SAGE1: variants seen among roughly 807,000 people sequenced by gnomAD.
The protein encoded by SAGE1 is cancer/testis antigen 14.
A neutral mutation model predicts 55.4 loss-of-function variants in SAGE1; 55 were observed. The observed-to-expected ratio is 0.99, with a 90% confidence interval of 0.80 to 1.24. SAGE1 has a LOEUF of 1.24. SAGE1 is among the 50% of genes most tolerant of loss of function. SAGE1 has a pLI of 0.00. For synonymous variants in SAGE1, 240 were observed against 244.3 expected (o/e 0.98, Z 0.17); for missense variants, 710 against 704.4 (o/e 1.01, Z -0.09).
intron 1 of SAGE1, among the ~76,000 whole-genome samples, chrX:135,895,730 A>G (rs1227749183): frequency 8.9e-6 from 1 of 112,136 alleles, no homozygotes; most frequent in Non-Finnish European, 1.9e-5. Context: ...ACTTTGGACT[A>G]TGTGGTTATA....
chrX:135,905,423 C>T (rs782614404), intron 5 of SAGE1, 31 bp downstream of exon 5: 1 of 1,143,297 alleles, frequency 8.7e-7, no homozygotes, highest in South Asian at 2.1e-5. Context: ...TACTGTCATA[C>T]TTGTTTTCCA....
intron 16 of SAGE1, 52 bp downstream of exon 16, chrX:135,910,607 T>C (rs2088881211): frequency 9.1e-7 from 1 of 1,093,384 alleles, no homozygotes; most frequent in African/African-American, 1.8e-5. Flanking sequence ...TAAGCAGGCA[T>C]ATTTTCATGA....
chrX:135,905,382 C>T lies in SAGE1; in HGVS notation c.444C>T (p.Thr148=). 1 of 1,204,967 alleles carries T rather than the reference C, an allele frequency of 8.3e-7. No individual in the cohort carries two copies. Among genetic ancestry groups the T allele is most frequent in the South Asian group, 1.8e-5 (1 of 56,008 alleles). The change falls in exon 5 of 20, where the codon ACC becomes ACT. Residue 148 remains threonine (T), a synonymous_variant. Coordinates refer to ENST00000370709, the MANE Select transcript of SAGE1 (RefSeq NM_001381902.1). Reference sequence around the variant, plus strand: ...CAGCTGGTATTCCATCCATGAGTACCAGGGATCTGCGTATGTCTGCTAATT... The same window carrying T: ...CAGCTGGTATTCCATCCATGAGTACTAGGGATCTGCGTATGTCTGCTAATT... The part of the protein sequence containing the change: ...MAAAGIPSMS[T]RDLHSTVTHN...
intron 2 of SAGE1, among the ~76,000 whole-genome samples, chrX:135,897,982 A>G (rs782101797): frequency 1.3e-4 from 15 of 111,336 alleles, no homozygotes; most frequent in Non-Finnish European, 2.6e-4. Flanking sequence ...AGCTCCATCC[A>G]TGTTTCTGCA....
At chrX:135,901,932 C>A (rs781838365) in intron 3 of SAGE1, among the ~76,000 whole-genome samples, 1 of 112,084 alleles carries the variant, frequency 8.9e-6, no homozygotes, top group South Asian at 3.8e-4. Context: ...ACATTCCGCT[C>A]TAACCCAGTG....
At chrX:135,909,340 G>A (rs1327989692) in intron 13 of SAGE1, among the ~76,000 whole-genome samples, 1 of 111,895 alleles carries the variant, frequency 8.9e-6, no homozygotes. Context: ...GTTACAGCAG[G>A]GCTTATGAAT....
At chrX:135,893,879 C>T (rs2088541020) in intron 1 of SAGE1, among the ~76,000 whole-genome samples, 98 bp downstream of exon 1, 1 of 111,633 alleles carries the variant, frequency 9.0e-6, no homozygotes, top group African/African-American at 3.3e-5. Context: ...TAGTGTTCCT[C>T]CGTTATTTTT....
intron 1 of SAGE1, among the ~76,000 whole-genome samples, 184 bp from the exon 2 acceptor site, chrX:135,896,059 T>A (rs1191021357): frequency 2.7e-5 from 3 of 111,319 alleles, no homozygotes; most frequent in Non-Finnish European, 5.7e-5. Flanking sequence ...TGATATAGAT[T>A]CTAGACATGA....
In SAGE1 at chrX:135,911,582, C is replaced by A; in HGVS notation, c.2150C>A (p.Ala717Asp). 1 of 1,189,580 alleles carries A rather than the reference C, an allele frequency of 8.4e-7. No homozygotes were observed. The highest frequency in any genetic ancestry group is 1.1e-6 in the Non-Finnish European group (1 of 877,144). The change falls in exon 18 of 20, where the codon GCT (alanine) becomes GAT (aspartate). Residue 717 changes from alanine (A) to aspartate (D), a missense_variant. Ala to Asp is a moderately radical substitution (Grantham distance 126, BLOSUM62 -2). Coordinates refer to ENST00000370709, the MANE Select transcript of SAGE1 (RefSeq NM_001381902.1). ...AATTTTTTCATTTGGATTCCAGATG[C>A]TACTGTCATTCACGATATCCAGGAG... ...ISCRSTRDLY[A>D]TVIHDIQEEE...
Position 135,901,662 on chromosome X carries a change from G to A in SAGE1, c.191G>A (p.Ser64Asn), listed in dbSNP as rs150500826. The A allele has an allele frequency of 5.4e-5, 65 of 1,207,050 alleles. No individual in the cohort carries two copies. The highest frequency in any genetic ancestry group is 1.3e-4 in the Admixed American group (6 of 45,505). Residue 64 changes from serine to asparagine, a missense_variant, in exon 3 of 20, where the codon AGT becomes AAT. Transcript: ENST00000370709. ...KRHSSSKRRK[S>N]MSSWLDKQED... ...CACTCTTCATCTAAGAGAAGGAAGA[G>A]TATGTCCTCGTGGTTAGACAAACAG... is the stretch of plus-strand genomic sequence containing the variant.
rs782109463 is a variant in SAGE1 at position 135,910,493 on chromosome X, C to T, written c.1943C>T (p.Ala648Val). The T allele has an allele frequency of 1.7e-6, 2 of 1,209,575 alleles. No homozygotes were observed. Among genetic ancestry groups the T allele is most frequent in the Admixed American group, 4.3e-5 (2 of 45,991 alleles). ...GCACCTGGTAACATCTTGTCAACTG[C>T]TCCTCCATGGCTTCGTCATATGGCA... Reference protein sequence around the residue: ...QPAPGNILSTAPPWLRHMAAA... With the variant: ...QPAPGNILSTVPPWLRHMAAA... The change falls in exon 16 of 20, where the codon GCT becomes GTT. Residue 648 changes from alanine (A) to valine (V), a missense_variant. Transcript: ENST00000370709.
rs782403071 is a variant in SAGE1, at chrX:135,904,579, C to A, written c.313+10C>A. 6 of 1,091,929 alleles carry A rather than the reference C, an allele frequency of 5.5e-6. No individual in the cohort carries two copies. Among genetic ancestry groups the A allele is most frequent in the Non-Finnish European group, 7.6e-6 (6 of 791,664 alleles). 90.0% of individuals were successfully genotyped at this position (1,091,929 alleles called of 1,213,427 possible). On this transcript the variant is annotated intron_variant, in intron 4 of 19. Transcript: ENST00000370709. ...GCTCCACCATGGCCTGGTAATATGG[C>A]AGCAGCAGGAATTTCATCCATGAGT...
At chrX:135,905,708 T>C (rs1276743707) in intron 5 of SAGE1, among the ~76,000 whole-genome samples, 1 of 111,818 alleles carries the variant, frequency 8.9e-6, no homozygotes, top group Non-Finnish European at 1.9e-5. Flanking sequence ...CCTGATAAAT[T>C]CTTGTCTACT....
intron 4 of SAGE1, 87 bp downstream of exon 4, chrX:135,904,656 A>T: frequency 1.8e-6 from 1 of 548,748 alleles, no homozygotes. Flanking sequence ...CTTGGTTTCC[A>T]TAAGCAGGCA....
intron 1 of SAGE1, among the ~76,000 whole-genome samples, chrX:135,894,500 C>A (rs2088553741): frequency 9.0e-6 from 1 of 110,993 alleles, no homozygotes; most frequent in Non-Finnish European, 1.9e-5. Flanking sequence ...TATTAATAAC[C>A]CCCCTTTCAT....
At chrX:135,908,643 T>C in intron 12 of SAGE1, 26 bp downstream of exon 12, 1 of 1,155,823 alleles carries the variant, frequency 8.7e-7, no homozygotes, top group Non-Finnish European at 1.2e-6. Context: ...AGTTATACCA[T>C]CCTCCTTGAT....
In SAGE1 at chrX:135,911,338, T is replaced by A. The variant is rs1415722523; in HGVS notation, c.2146+6T>A. ...CAGAAGTACCAGGGATCTGTGTATG[T>A]TTGTGTATTGGTTGTACTGTCCTAC... On this transcript the variant is annotated splice_donor_region_variant and intron_variant, in intron 17 of 19. Transcript: ENST00000370709. 1 of 1,202,938 alleles carries A rather than the reference T, an allele frequency of 8.3e-7. No homozygotes were observed. Among genetic ancestry groups the A allele is most frequent in the African/African-American group, 1.8e-5 (1 of 56,728 alleles).
intron 2 of SAGE1, among the ~76,000 whole-genome samples, chrX:135,896,562 T>TA (rs1556593951): frequency 3.2e-5 from 2 of 62,137 alleles, no homozygotes; most frequent in African/African-American, 6.0e-5. Context: ...ATTTATATCT[T>TA]TTTTTTTTTT....
chrX:135,910,122 A>G lies in SAGE1; in HGVS notation c.1816A>G (p.Ile606Val). 1 of 1,207,888 alleles carries G rather than the reference A, an allele frequency of 8.3e-7. No individual in the cohort carries two copies. Among genetic ancestry groups the G allele is most frequent in the South Asian group, 1.8e-5 (1 of 56,765 alleles). ...CTTCTCGACTGTTCCACCAGCATTTATTAATATGGCAGCAACTGGTGTTTC... is the reference window on the plus strand; with the variant it reads ...CTTCTCGACTGTTCCACCAGCATTTGTTAATATGGCAGCAACTGGTGTTTC... ...NVFSTVPPAFINMAATGVSSM... is the reference protein window; with the variant it reads ...NVFSTVPPAFVNMAATGVSSM... Residue 606 changes from isoleucine (I) to valine (V), a missense_variant, in exon 15 of 20, where the codon ATT becomes GTT. Ile to Val is a conservative substitution (Grantham distance 29). Coordinates refer to ENST00000370709, the MANE Select transcript of SAGE1 (RefSeq NM_001381902.1).
Sources: gnomAD v4.1 joint callset for allele counts (sites outside exome capture counted in the v4.1 genomes callset) on GRCh38, gnomAD v4.1.1 for gene constraint, MANE v1.5 for transcripts, NCBI Gene and HGNC (gene_info 2026-07-23, HGNC 2026-07-21) for gene names.